The following SMC5 variants were observed in gnomAD, a reference collection of about 807,000 sequenced individuals.
The protein encoded by SMC5 is structural maintenance of chromosomes protein 5.
Under a neutral mutation model 148.3 loss-of-function variants are expected in SMC5, and 88 were observed. The ratio of observed to expected loss-of-function variants is 0.59; its 90% CI spans 0.50 to 0.71. The LOEUF is 0.71. Ranked by LOEUF, SMC5 falls within the 30% of genes least tolerant of loss-of-function variation. The probability of loss-of-function intolerance (pLI) is 0.00; values close to 1 mark genes in which losing one functional copy is unlikely to be tolerated. For missense variants in SMC5, 1,142 were observed against 1,298.9 expected (o/e 0.88, Z 1.86); for synonymous variants, 421 against 432.8 (o/e 0.97, Z 0.34).
intron 7 of SMC5, among the ~76,000 whole-genome samples, chr9:70,284,695 A>C (rs2034850257): frequency 6.6e-6 from 1 of 152,206 alleles, no homozygotes; most frequent in Middle Eastern, 3.2e-3. Flanking sequence ...GAAAATCTGC[A>C]TGGCCTAAGA....
chr9:70,322,219 T>C (rs1457344224), intron 15 of SMC5, among the ~76,000 whole-genome samples: 1 of 152,256 alleles, frequency 6.6e-6, no homozygotes, highest in Non-Finnish European at 1.5e-5. Flanking sequence ...GTTTCAACTT[T>C]AAACCTTTCT....
intron 1 of SMC5, among the ~76,000 whole-genome samples, chr9:70,260,407 G>A (rs2034083717): frequency 6.6e-6 from 1 of 151,964 alleles, no homozygotes; most frequent in Non-Finnish European, 1.5e-5. Flanking sequence ...ATGTCCGGCC[G>A]GAAGTCTTTT....
intron 7 of SMC5, among the ~76,000 whole-genome samples, chr9:70,283,017 C>G (rs1587638279): frequency 6.6e-6 from 1 of 152,156 alleles, no homozygotes; most frequent in South Asian, 2.1e-4. Flanking sequence ...ACTATGGCTT[C>G]TAACCTTCGG....
intron 2 of SMC5, among the ~76,000 whole-genome samples, chr9:70,264,699 T>C (rs550425531): frequency 6.6e-6 from 1 of 152,282 alleles, no homozygotes; most frequent in African/African-American, 2.4e-5. Context: ...TTTTTTTAAA[T>C]GCATCACTTG....
At chr9:70,264,478 C>A in intron 2 of SMC5, 33 bp downstream of exon 2, 1 of 1,607,368 alleles carries the variant, frequency 6.2e-7, no homozygotes, top group Non-Finnish European at 8.5e-7. Context: ...TAAGAAATTT[C>A]AAACCTATTA....
intron 18 of SMC5, chr9:70,346,313 T>G (rs1286275500): frequency 2.5e-6 from 1 of 403,988 alleles, no homozygotes; most frequent in African/African-American, 2.0e-5. Flanking sequence ...GATTAATATG[T>G]CAAGATCTTT....
At chr9:70,297,705 T>C (rs2035238913) in intron 8 of SMC5, among the ~76,000 whole-genome samples, 1 of 152,220 alleles carries the variant, frequency 6.6e-6, no homozygotes, top group African/African-American at 2.4e-5. Flanking sequence ...ATATTTTGTT[T>C]ATTCAGGAAA....
At chr9:70,277,550 A>G (rs922274596) in intron 4 of SMC5, 78 bp downstream of exon 4, 13 of 1,158,628 alleles carry the variant, frequency 1.1e-5, no homozygotes, top group Non-Finnish European at 1.5e-5. Context: ...GGGATATCAT[A>G]ATGACTGCTA....
intron 17 of SMC5, among the ~76,000 whole-genome samples, chr9:70,331,262 T>C (rs1158118955): frequency 6.6e-6 from 1 of 152,214 alleles, no homozygotes; most frequent in Admixed American, 6.5e-5. Context: ...TCTACTTTAT[T>C]AGACAGTACA....
intron 10 of SMC5, among the ~76,000 whole-genome samples, chr9:70,301,051 A>G (rs535405363): frequency 6.6e-5 from 10 of 152,280 alleles, no homozygotes; most frequent in Admixed American, 4.6e-4. Context: ...AGCAAAGTTA[A>G]TATTCATAAC....
At chr9:70,272,147 G>A (rs1274572145) in intron 3 of SMC5, among the ~76,000 whole-genome samples, 1 of 152,168 alleles carries the variant, frequency 6.6e-6, no homozygotes, top group African/African-American at 2.4e-5. Context: ...TACAGAGTAT[G>A]GGAGAAGGAG....
intron 3 of SMC5, among the ~76,000 whole-genome samples, chr9:70,273,528 C>A (rs1253760822): frequency 1.3e-5 from 2 of 151,888 alleles, no homozygotes; most frequent in African/African-American, 4.8e-5. Flanking sequence ...TTTACTGATT[C>A]TCATTTTTTG....
chr9:70,264,466 T>G (rs1241522825), intron 2 of SMC5, 21 bp downstream of exon 2: 3 of 1,609,596 alleles, frequency 1.9e-6, no homozygotes, highest in African/African-American at 2.7e-5. Flanking sequence ...ATAATTACTT[T>G]TTAAGAAATT....
chr9:70,352,399 A>C lies in SMC5; in HGVS notation c.*68A>C. On this transcript the variant is annotated 3_prime_UTR_variant, in exon 25 of 25. Coordinates refer to ENST00000361138, the MANE Select transcript of SMC5 (RefSeq NM_015110.4). ...TCTGTTTATAAGTATGGCTCAACTGAATAAAAGGAGATTCACTAAAACGAA... is the reference window on the plus strand; with the variant it reads ...TCTGTTTATAAGTATGGCTCAACTGCATAAAAGGAGATTCACTAAAACGAA... 7.0e-7 allele frequency: 1 copy of C among 1,424,136 alleles called. No individual in the cohort carries two copies. Among genetic ancestry groups the C allele is most frequent in the South Asian group, 1.5e-5 (1 of 66,580 alleles). The allele number at this position is 1,424,136 out of a possible 1,614,324, so 88.2% of individuals were successfully genotyped here. A position where few individuals can be genotyped will look rare whatever the true frequency, so the allele number is the denominator to read the frequency against.
At position 70,348,003 on chromosome 9, in the gene SMC5, T is replaced by C. The variant is rs1401105641; in HGVS notation, c.2854T>C (p.Cys952Arg). The C allele has an allele frequency of 6.9e-6, 11 of 1,601,838 alleles. No individual in the cohort carries two copies. The highest frequency in any genetic ancestry group is 9.4e-6 in the Non-Finnish European group (11 of 1,176,412). Residue 952 changes from cysteine (C) to arginine (R), a missense_variant, in exon 22 of 25, where the codon TGT becomes CGT. Coordinates refer to ENST00000361138, the MANE Select transcript of SMC5 (RefSeq NM_015110.4). ...KFSNFFSSMQ[C>R]AGEVDLHTEN... ...CAGCAATTTTTTTAGTTCCATGCAG[T>C]GTGCTGGTGAAGTTGATCTCCATAC...
intron 11 of SMC5, among the ~76,000 whole-genome samples, chr9:70,313,158 T>C (rs1227842443): frequency 4.6e-5 from 7 of 152,332 alleles, no homozygotes; most frequent in Non-Finnish European, 8.8e-5. Flanking sequence ...ATCTAAGTTA[T>C]TCATGTTTTT....
chr9:70,347,343 G>A (rs1434606410), intron 20 of SMC5, among the ~76,000 whole-genome samples, 182 bp downstream of exon 20: 1 of 152,140 alleles, frequency 6.6e-6, no homozygotes, highest in African/African-American at 2.4e-5. Flanking sequence ...GAATCTATTA[G>A]AATTTTAAAT....
chr9:70,289,030 TTTG>T (rs942060955), intron 8 of SMC5, among the ~76,000 whole-genome samples: 5 of 151,824 alleles, frequency 3.3e-5, no homozygotes, highest in Admixed American at 6.6e-5. Flanking sequence ...TGATTTAGTT[TTTG>T]TTGTTGTTGT....
In SMC5 at chr9:70,286,241, G is replaced by T. The variant is rs1172195598; in HGVS notation, c.1023G>T (p.Lys341Asn). 1 of 1,585,202 alleles carries T rather than the reference G, an allele frequency of 6.3e-7. No individual in the cohort carries two copies. Among genetic ancestry groups the T allele is most frequent in the Non-Finnish European group, 8.6e-7 (1 of 1,167,668 alleles). ...IKEASQKCKQ[K>N]QDVIERKDKH... ...AGGCATCTCAAAAATGCAAACAGAA[G>T]CAAGATGTTATAGAAAGGAAAGATA... is the stretch of plus-strand genomic sequence containing the variant. Residue 341 changes from lysine to asparagine, a missense_variant, in exon 8 of 25, where the codon AAG becomes AAT. This residue lies in a region of SMC5 where 743 missense variants were observed against 835.7 expected (regional missense o/e 0.89). Coordinates refer to ENST00000361138, the MANE Select transcript of SMC5 (RefSeq NM_015110.4).
Sources: allele counts gnomAD v4.1 joint callset (sites outside exome capture counted in the v4.1 genomes callset), GRCh38; gene constraint gnomAD v4.1.1; regional missense constraint gnomAD v4.1.1; transcripts MANE v1.5; gene names NCBI Gene and HGNC (gene_info 2026-07-23, HGNC 2026-07-21).